The following SGCZ variants were observed in gnomAD, a reference collection of about 807,000 sequenced individuals.
SGCZ encodes sarcoglycan zeta.
SGCZ carries 40 observed loss-of-function variants against 41.3 expected under a neutral mutation model. The observed-to-expected ratio is 0.97, with a 90% CI of 0.75 to 1.26. The LOEUF is 1.26. SGCZ is among the 50% of genes most tolerant of loss of function. The pLI is 0.00. For missense variants in SGCZ, 552 were observed against 369.8 expected, an observed-to-expected ratio of 1.49 and a Z score of -4.04; for synonymous variants, 206 against 137.5, an observed-to-expected ratio of 1.50 and a Z score of -3.49.
chr8:14,361,437 A>C (rs1231586933), intron 2 of SGCZ, among the ~76,000 whole-genome samples: 4 of 152,098 alleles, frequency 2.6e-5, no homozygotes, highest in Admixed American at 1.3e-4. Context: ...TTTGCTCTTC[A>C]ATCACTGATA....
intron 1 of SGCZ, among the ~76,000 whole-genome samples, chr8:14,586,367 T>C (rs1314065682): frequency 2.0e-5 from 3 of 151,952 alleles, no homozygotes; most frequent in Non-Finnish European, 4.4e-5. Context: ...GCGTGTGTCA[T>C]CACAACAGGC....
chr8:14,921,740 C>G (rs1236180756), intron 1 of SGCZ, among the ~76,000 whole-genome samples: 1 of 152,070 alleles, frequency 6.6e-6, no homozygotes, highest in Non-Finnish European at 1.5e-5. Flanking sequence ...GTGATGACAA[C>G]TTTGTGTTTT....
At chr8:15,130,433 C>T (rs567915935) in intron 1 of SGCZ, among the ~76,000 whole-genome samples, 13 of 152,252 alleles carry the variant, frequency 8.5e-5, no homozygotes, top group Middle Eastern at 3.4e-3. Flanking sequence ...AATAAACACA[C>T]GATTACCAAA....
intron 5 of SGCZ, among the ~76,000 whole-genome samples, chr8:14,152,771 A>C (rs1422534739): frequency 6.6e-6 from 1 of 152,204 alleles, no homozygotes; most frequent in African/African-American, 2.4e-5. Flanking sequence ...ACCTAGAAAC[A>C]ACTCAGATGT....
intron 5 of SGCZ, among the ~76,000 whole-genome samples, chr8:14,148,676 C>T (rs1027346564): frequency 1.3e-5 from 2 of 152,028 alleles, no homozygotes; most frequent in Non-Finnish European, 2.9e-5. Flanking sequence ...GAAATACTTC[C>T]AAACTCATTC....
At chr8:14,688,705 A>T (rs1808699940) in intron 1 of SGCZ, among the ~76,000 whole-genome samples, 1 of 152,086 alleles carries the variant, frequency 6.6e-6, no homozygotes, top group South Asian at 2.1e-4. Flanking sequence ...TATGAACTTT[A>T]AAGTAGTTTT....
chr8:14,601,056 G>T, intron 1 of SGCZ, among the ~76,000 whole-genome samples: 1 of 149,378 alleles, frequency 6.7e-6, no homozygotes, highest in East Asian at 1.9e-4. Context: ...TTTTATATAA[G>T]TATAAAATTA....
intron 1 of SGCZ, among the ~76,000 whole-genome samples, chr8:14,898,537 C>A (rs1805287896): frequency 6.6e-6 from 1 of 152,004 alleles, no homozygotes; most frequent in Admixed American, 6.6e-5. Flanking sequence ...TCAGTTTCAG[C>A]ATGAAGAATA....
intron 2 of SGCZ, among the ~76,000 whole-genome samples, chr8:14,336,756 G>A (rs1329317400): frequency 1.3e-5 from 2 of 152,048 alleles, no homozygotes; most frequent in Admixed American, 6.6e-5. Flanking sequence ...GGATTTCACA[G>A]GTATCCCAAA....
At chr8:14,175,044 G>T in intron 4 of SGCZ, among the ~76,000 whole-genome samples, 1 of 152,052 alleles carries the variant, frequency 6.6e-6, no homozygotes, top group East Asian at 1.9e-4. Flanking sequence ...CCAAAATAAG[G>T]ATACATTCTG....
At chr8:14,321,810 T>C (rs1032872472) in intron 3 of SGCZ, among the ~76,000 whole-genome samples, 39 of 152,122 alleles carry the variant, frequency 2.6e-4, no homozygotes, top group Admixed American at 1.6e-3. Flanking sequence ...CGTGAAAAGA[T>C]TGAAATGTTT....
chr8:14,832,368 T>C (rs1248673737), intron 1 of SGCZ, among the ~76,000 whole-genome samples: 1 of 152,098 alleles, frequency 6.6e-6, no homozygotes, highest in Admixed American at 6.6e-5. Flanking sequence ...CTCAAGAACA[T>C]CCCTGAATTT....
At chr8:14,770,609 G>A (rs1299025378) in intron 1 of SGCZ, among the ~76,000 whole-genome samples, 1 of 151,952 alleles carries the variant, frequency 6.6e-6, no homozygotes, top group African/African-American at 2.4e-5. Flanking sequence ...CAATTTGTTT[G>A]GGTAAGCACA....
At position 14,920,445 on chromosome 8, in the gene SGCZ, G is replaced by A. The variant is rs542460642; in HGVS notation, c.39+317140C>T. The stretch of plus-strand genomic sequence containing the variant: ...TTACAAAGACTGCATTTAAAGGGAC[G>A]AAATGTTTAATGGAGTTGGGATAAT... On this transcript the variant is annotated intron_variant, in intron 1 of 7. Coordinates refer to ENST00000382080, the MANE Select transcript of SGCZ (RefSeq NM_139167.4). 3.9e-5 allele frequency among the ~76,000 whole-genome samples: 6 copies of A among 152,228 alleles called. No individual in the cohort carries two copies. In the South Asian group the frequency reaches 8.3e-4, roughly 21 times the overall value.
intron 2 of SGCZ, among the ~76,000 whole-genome samples, chr8:14,428,532 C>G (rs905178617): frequency 6.6e-6 from 1 of 152,042 alleles, no homozygotes; most frequent in Non-Finnish European, 1.5e-5. Context: ...ATTTTACTAA[C>G]GATTGGTTAT....
chr8:14,536,758 G>A (rs1259969685), intron 2 of SGCZ, among the ~76,000 whole-genome samples: 1 of 150,012 alleles, frequency 6.7e-6, no homozygotes, highest in African/African-American at 2.5e-5. Context: ...CAAAACTAAG[G>A]GCTTTCCATT....
intron 1 of SGCZ, among the ~76,000 whole-genome samples, chr8:14,877,190 T>G (rs746397629): frequency 6.6e-6 from 1 of 151,884 alleles, no homozygotes; most frequent in Admixed American, 6.6e-5. Flanking sequence ...GCGTGGAGGG[T>G]CTTGATCTCC....
intron 1 of SGCZ, among the ~76,000 whole-genome samples, chr8:15,018,909 G>T (rs1436212245): frequency 6.6e-6 from 1 of 152,292 alleles, no homozygotes; most frequent in Non-Finnish European, 1.5e-5. Context: ...AGGGATGTCT[G>T]GGGAGGCCTT....
chr8:14,786,300 C>T (rs2253573), intron 1 of SGCZ, among the ~76,000 whole-genome samples: 125,677 of 152,018 alleles, frequency 0.83, 52,544 homozygotes, highest in African/African-American at 0.96. Flanking sequence ...ATCAATAGAG[C>T]ATTGAAAGAC....
Sources: gnomAD v4.1 joint callset for allele counts (sites outside exome capture counted in the v4.1 genomes callset) on GRCh38, gnomAD v4.1.1 for gene constraint, MANE v1.5 for transcripts, NCBI Gene and HGNC (gene_info 2026-07-23, HGNC 2026-07-21) for gene names.